The following SIL1 variants were observed in gnomAD, a reference collection of about 807,000 sequenced individuals.
The protein encoded by SIL1 is SIL1 nucleotide exchange factor.
SIL1 carries 40 observed loss-of-function variants against 49.1 expected under a neutral mutation model. The observed-to-expected ratio is 0.81, with a 90% confidence interval of 0.63 to 1.06. The LOEUF (loss-of-function observed/expected upper bound fraction) is 1.06, where lower values mean the gene tolerates loss of function less well. Ranked by LOEUF, SIL1 falls within the 50% of genes least tolerant of loss-of-function variation. The pLI, the probability that SIL1 is intolerant of heterozygous loss-of-function variation, is 0.00. For synonymous variants in SIL1, 253 were observed against 250.8 expected, an observed-to-expected ratio of 1.01 and a Z score of -0.08; for missense variants, 500 against 572.6, an observed-to-expected ratio of 0.87 and a Z score of 1.29.
At chr5:139,129,432 C>A (rs1488646132) in intron 1 of SIL1, among the ~76,000 whole-genome samples, 2 of 152,164 alleles carry the variant, frequency 1.3e-5, no homozygotes, top group East Asian at 3.9e-4. Context: ...CGCCTGTAAT[C>A]CCAGCCAAGG....
At chr5:139,156,971 C>A (rs922347350) in intron 1 of SIL1, among the ~76,000 whole-genome samples, 1 of 152,212 alleles carries the variant, frequency 6.6e-6, no homozygotes, top group Admixed American at 6.5e-5. Context: ...ACTCTTGAGC[C>A]CTGTGCCTTG....
intron 1 of SIL1, among the ~76,000 whole-genome samples, chr5:139,160,605 G>A (rs1751492621): frequency 1.3e-5 from 2 of 152,174 alleles, no homozygotes; most frequent in Non-Finnish European, 2.9e-5. Context: ...TTGGGAGGCC[G>A]AGGCAGGCAG....
chr5:139,163,023 C>A (rs950698528), intron 1 of SIL1, among the ~76,000 whole-genome samples: 1 of 151,716 alleles, frequency 6.6e-6, no homozygotes, highest in African/African-American at 2.4e-5. Context: ...ACAGGTGGAG[C>A]AAAGGCCCTC....
At chr5:139,021,396 T>C (rs947525273) in intron 6 of SIL1, 104 bp from the exon 7 acceptor site, 17 of 1,524,760 alleles carry the variant, frequency 1.1e-5, no homozygotes, top group South Asian at 8.4e-5. Flanking sequence ...TAAAAAGCCA[T>C]GGAAAAATCA....
At chr5:139,180,347 A>G (rs1751960344) in intron 1 of SIL1, among the ~76,000 whole-genome samples, 2 of 142,744 alleles carry the variant, frequency 1.4e-5, no homozygotes, top group African/African-American at 5.2e-5. Flanking sequence ...CGCCATTGCA[A>G]TCCAGCCTGG....
At chr5:138,964,676 A>G (rs1331184624) in intron 7 of SIL1, among the ~76,000 whole-genome samples, 1 of 152,256 alleles carries the variant, frequency 6.6e-6, no homozygotes, top group Non-Finnish European at 1.5e-5. Context: ...TTTAAGATTC[A>G]GCAATTGTTG....
At chr5:139,051,888 A>ACATT (rs1258675776) in intron 3 of SIL1, among the ~76,000 whole-genome samples, 2 of 152,244 alleles carry the variant, frequency 1.3e-5, no homozygotes, top group African/African-American at 2.4e-5. Flanking sequence ...AATGCTACAC[A>ACATT]CATTCATTCA....
At chr5:138,953,740 G>T (rs1766838498) in intron 7 of SIL1, among the ~76,000 whole-genome samples, 1 of 152,196 alleles carries the variant, frequency 6.6e-6, no homozygotes, top group East Asian at 1.9e-4. Flanking sequence ...AGCTAATTAG[G>T]GCTGTCTCTG....
chr5:139,185,362 T>C (rs188832822), intron 1 of SIL1, among the ~76,000 whole-genome samples: 1 of 152,354 alleles, frequency 6.6e-6, no homozygotes, highest in Admixed American at 6.5e-5. Context: ...TAATCCTTCT[T>C]AAAGGAATGT....
intron 1 of SIL1, among the ~76,000 whole-genome samples, chr5:139,174,925 A>G: frequency 7.1e-6 from 1 of 141,744 alleles, no homozygotes; most frequent in South Asian, 2.4e-4. Context: ...ATGACAGAGT[A>G]AGACTGTGTC....
At chr5:139,018,315 A>T (rs1456814533) in intron 7 of SIL1, among the ~76,000 whole-genome samples, 1 of 152,258 alleles carries the variant, frequency 6.6e-6, no homozygotes, top group East Asian at 1.9e-4. Context: ...GCAACAAGAG[A>T]CCGGACATGG....
chr5:139,050,863 G>A, intron 4 of SIL1, 75 bp downstream of exon 4: 1 of 1,203,826 alleles, frequency 8.3e-7, no homozygotes. Context: ...CATGAATTTG[G>A]GTAACATTTT....
chr5:139,170,310 G>GT (rs1751725088), intron 1 of SIL1, among the ~76,000 whole-genome samples: 1 of 151,740 alleles, frequency 6.6e-6, no homozygotes, highest in African/African-American at 2.4e-5. Context: ...AGTGAGGAGC[G>GT]TCTCTGCTTG....
At chr5:139,129,981 G>C (rs1011804258) in intron 1 of SIL1, among the ~76,000 whole-genome samples, 1 of 152,102 alleles carries the variant, frequency 6.6e-6, no homozygotes, top group African/African-American at 2.4e-5. Context: ...TCTGTTATGG[G>C]TATATTGTCC....
intron 6 of SIL1, among the ~76,000 whole-genome samples, chr5:139,026,152 C>T (rs139020102): frequency 5.7e-4 from 87 of 152,320 alleles, no homozygotes; most frequent in Middle Eastern, 3.4e-3. Context: ...GCCCTCATTA[C>T]AATCTTAAAT....
chr5:139,016,629 A>G (rs1324610700), intron 7 of SIL1, among the ~76,000 whole-genome samples: 1 of 152,194 alleles, frequency 6.6e-6, no homozygotes, highest in African/African-American at 2.4e-5. Context: ...CCAAGGGACT[A>G]TAATGACATG....
chr5:139,014,367 CA>C (rs34330868), intron 7 of SIL1: 56,134 of 112,728 alleles, frequency 0.5, 11,304 homozygotes, highest in African/African-American at 0.64. Context: ...AACTTCGTCT[CA>C]AAAAAAAAAA....
At chr5:139,150,209 TTAGG>T (rs1189224143) in intron 1 of SIL1, among the ~76,000 whole-genome samples, 1 of 152,162 alleles carries the variant, frequency 6.6e-6, no homozygotes. Flanking sequence ...GCCTGAGATT[TTAGG>T]TAGTCTTCCT....
At chr5:139,156,898 C>T (rs915438244) in intron 1 of SIL1, among the ~76,000 whole-genome samples, 12 of 152,208 alleles carry the variant, frequency 7.9e-5, no homozygotes, top group African/African-American at 1.9e-4. Flanking sequence ...TTACAGCAGC[C>T]ACGTGAAACT....
Sources: gnomAD v4.1 joint callset for allele counts (sites outside exome capture counted in the v4.1 genomes callset) on GRCh38, gnomAD v4.1.1 for gene constraint, MANE v1.5 for transcripts, NCBI Gene and HGNC (gene_info 2026-07-23, HGNC 2026-07-21) for gene names.